CCDC14: variants seen among roughly 807,000 people sequenced by gnomAD.
CCDC14 encodes the protein coiled-coil domain-containing protein 14.
In CCDC14, 71 loss-of-function variants were observed where a neutral mutation model predicts 81.4. That is an observed-to-expected ratio of 0.87 (90% CI 0.72 to 1.06). The LOEUF (loss-of-function observed/expected upper bound fraction) is 1.06, where lower values mean the gene tolerates loss of function less well. Among genes scored for constraint, CCDC14 ranks in the 50% least tolerant of loss-of-function variants. The pLI is 0.00. For missense variants in CCDC14, 1,046 were observed against 1,047.3 expected (o/e 1.00, Z 0.02); for synonymous variants, 332 against 364.8 (o/e 0.91, Z 1.03).
At position 123,956,722 on chromosome 3, in the gene CCDC14, A is replaced by G. The variant is rs1215147316; in HGVS notation, c.86+18T>C. 4.5e-6 allele frequency: 7 copies of G among 1,540,822 alleles called. No individual in the cohort carries two copies. Among genetic ancestry groups the G allele is most frequent in the Admixed American group, 4.0e-5 (2 of 50,164 alleles). On this transcript the variant is annotated intron_variant, in intron 2 of 12. Coordinates refer to ENST00000409697, the MANE Select transcript of CCDC14 (RefSeq NM_001366335.1). ...AATTCCTTGAAATCTGAAGTTGTAAACGTCTTCAAGTACTTACGCTTTCTT... is the reference window on the plus strand; with the variant it reads ...AATTCCTTGAAATCTGAAGTTGTAAGCGTCTTCAAGTACTTACGCTTTCTT...
chr3:123,938,211 A>G (rs571433903), intron 9 of CCDC14, among the ~76,000 whole-genome samples: 55 of 152,006 alleles, frequency 3.6e-4, no homozygotes, highest in African/African-American at 1.3e-3. Context: ...TAAAATCTAT[A>G]CATCAATTTG....
chr3:123,937,393 T>C (rs1170081499), intron 9 of CCDC14, among the ~76,000 whole-genome samples: 1 of 152,072 alleles, frequency 6.6e-6, no homozygotes, highest in Admixed American at 6.6e-5. Context: ...GTCATGGTTT[T>C]AATTTTCACT....
intron 5 of CCDC14, among the ~76,000 whole-genome samples, chr3:123,902,101 T>C (rs1321776217): frequency 3.9e-5 from 6 of 152,166 alleles, no homozygotes; most frequent in Admixed American, 3.9e-4. Context: ...TTTAATCCAT[T>C]ACTTCATAAT....
Position 123,961,157 on chromosome 3 carries a change from G to A in CCDC14, c.17C>T (p.Ala6Val), listed in dbSNP as rs2037663972. ...CTCAGCCCTCACCTGGCCCGGTCGA[G>A]CTCCAGACCTGACCATCTCTCGCCG... MVRSG[A>V]RPGQVLSSGR... The change falls in exon 1 of 13, where the codon GCT (alanine) becomes GTT (valine). Residue 6 changes from alanine to valine, a missense_variant. By Grantham distance (64) the Ala-to-Val change is moderately conservative. Transcript: ENST00000409697. The A allele has an allele frequency of 1.9e-6, 3 of 1,551,552 alleles. No homozygotes were observed. Among genetic ancestry groups the A allele is most frequent in the Non-Finnish European group, 2.6e-6 (3 of 1,146,974 alleles).
downstream of CCDC14, among the ~76,000 whole-genome samples, chr3:123,894,035 A>G (rs190463911): frequency 2.0e-4 from 30 of 152,288 alleles, no homozygotes; most frequent in Admixed American, 1.8e-3. Context: ...CAAAGAAACT[A>G]TTGCTAAATC....
rs367698559 is a variant in CCDC14 at position 123,921,362 on chromosome 3, G to A, written c.1779-5644C>T. ...AAATATATTCCATAGGAAAGGAAAC[G>A]AAGAAAGCAGGGGTAGCTATACTCA... On this transcript the variant is annotated intron_variant, in intron 12 of 12. Transcript: ENST00000409697. Among the ~76,000 whole-genome samples, 17 of 152,244 alleles carry A rather than the reference G, an allele frequency of 1.1e-4. 1 individual carries two copies. Among genetic ancestry groups the A allele is most frequent in the South Asian group, 1.0e-3 (5 of 4,824 alleles).
In CCDC14 at chr3:123,915,471, A is replaced by AG. The variant is rs753543438; in HGVS notation, c.2025dup (p.Tyr676LeufsTer2). 1 of 1,613,976 alleles carries AG rather than the reference A, an allele frequency of 6.2e-7. No homozygotes were observed. Among genetic ancestry groups the AG allele is most frequent in the South Asian group, 1.1e-5 (1 of 91,080 alleles). The stretch of plus-strand genomic sequence containing the variant: ...CCTCTGGAGGACAGAACATTTTCAT[A>AG]GGTTTTGTCTGGCTCTATGGTTTCC... On this transcript the variant is annotated frameshift_variant, in exon 13 of 13. Coordinates refer to ENST00000409697, the MANE Select transcript of CCDC14 (RefSeq NM_001366335.1). LOFTEE classifies it low-confidence loss of function (END_TRUNC).
intron 9 of CCDC14, among the ~76,000 whole-genome samples, chr3:123,934,702 G>A (rs1351590130): frequency 6.6e-6 from 1 of 152,046 alleles, no homozygotes. Context: ...AGAAGTTATC[G>A]CTTATGGGGA....
chr3:123,940,497 CTGTT>C (rs905363459), intron 9 of CCDC14, among the ~76,000 whole-genome samples: 28 of 151,950 alleles, frequency 1.8e-4, no homozygotes, highest in Admixed American at 1.1e-3. Flanking sequence ...TTCTTGTTGT[CTGTT>C]TATTTTAATG....
chr3:123,947,803 T>C (rs1559798801), intron 7 of CCDC14, among the ~76,000 whole-genome samples: 1 of 152,128 alleles, frequency 6.6e-6, no homozygotes, highest in East Asian at 1.9e-4. Context: ...AGTAAGTTTC[T>C]GATATTAAAA....
intron 9 of CCDC14, among the ~76,000 whole-genome samples, chr3:123,935,551 A>G (rs765582302): frequency 6.6e-6 from 1 of 152,234 alleles, no homozygotes; most frequent in Non-Finnish European, 1.5e-5. Context: ...ACATCCATAT[A>G]TGAAATACTA....
chr3:123,897,318 C>T (rs2034080291), downstream of CCDC14: 1 of 153,074 alleles, frequency 6.5e-6, no homozygotes, highest in Admixed American at 6.5e-5. Context: ...CAGGAAAAGA[C>T]TGTTTTATTA....
chr3:123,925,051 C>A (rs1224962585), intron 12 of CCDC14, among the ~76,000 whole-genome samples: 1 of 150,416 alleles, frequency 6.6e-6, no homozygotes, highest in African/African-American at 2.4e-5. Flanking sequence ...ATGGAATAAA[C>A]CTAAGTTTCC....
downstream of CCDC14, among the ~76,000 whole-genome samples, chr3:123,896,262 C>A (rs895530936): frequency 6.6e-6 from 1 of 152,120 alleles, no homozygotes; most frequent in Admixed American, 6.5e-5. Context: ...TGTGATTCCC[C>A]GGACTGCCCT....
At chr3:123,905,657 C>G (rs1251237785) in intron 5 of CCDC14, among the ~76,000 whole-genome samples, 1 of 152,238 alleles carries the variant, frequency 6.6e-6, no homozygotes, top group Non-Finnish European at 1.5e-5. Context: ...CCTCACATCA[C>G]ATACACTCAA....
chr3:123,912,988 G>T (rs1213753419), downstream of CCDC14, among the ~76,000 whole-genome samples: 1 of 152,078 alleles, frequency 6.6e-6, no homozygotes, highest in East Asian at 1.9e-4. Flanking sequence ...AACATTTAAG[G>T]CTGTTCACAG....
chr3:123,905,957 T>C (rs1381479969), intron 5 of CCDC14, among the ~76,000 whole-genome samples: 1 of 152,054 alleles, frequency 6.6e-6, no homozygotes, highest in Non-Finnish European at 1.5e-5. Context: ...GTATGAATAA[T>C]ATAACAGTTG....
chr3:123,913,180 C>A (rs7644320), downstream of CCDC14, among the ~76,000 whole-genome samples: 2,952 of 152,246 alleles, frequency 0.019, 83 homozygotes, highest in African/African-American at 0.066. Flanking sequence ...AAGTCATGTG[C>A]ATGTCTTTTA....
Position 123,913,465 on chromosome 3 carries a change from TAA to T in CCDC14, c.*1312_*1313del. The T allele has an allele frequency of 6.1e-6, 6 of 980,674 alleles. No homozygotes were observed. The highest frequency in any genetic ancestry group is 7.3e-6 in the Non-Finnish European group (6 of 825,714). The allele number at this position is 980,674 out of a possible 1,614,324, so 60.7% of individuals were successfully genotyped here. Reference sequence around the variant, plus strand: ...ATTTTTTATTTCTGAACTTATTTGTTAAAGAGTTGTGGCCTATTACCTCCAAA... The same window carrying T: ...ATTTTTTATTTCTGAACTTATTTGTTAGAGTTGTGGCCTATTACCTCCAAA... On this transcript the variant is annotated 3_prime_UTR_variant, in exon 13 of 13. Transcript: ENST00000409697.
Sources: allele counts gnomAD v4.1 joint callset (sites outside exome capture counted in the v4.1 genomes callset), GRCh38; gene constraint gnomAD v4.1.1; transcripts MANE v1.5; gene names NCBI Gene and HGNC (gene_info 2026-07-23, HGNC 2026-07-21).